Variants in PGCKA1 observed in about 807,000 individuals in gnomAD.
PGCKA1 encodes PDCD10 and GCKIII kinases-associated protein 1.
At chr4:37,520,832 T>G in the PGCKA1 span, among the ~76,000 whole-genome samples, 1 of 152,162 alleles carries the variant, frequency 6.6e-6, no homozygotes, top group Non-Finnish European at 1.5e-5. Context: ...TTAGCCAGGA[T>G]GGTCTCAATC....
At chr4:37,590,982 T>C in the PGCKA1 span, 2 of 1,611,884 alleles carry the variant, frequency 1.2e-6, no homozygotes, top group Non-Finnish European at 1.7e-6. Flanking sequence ...CAGGAGAAGA[T>C]TTGGATGAGA....
the PGCKA1 span, among the ~76,000 whole-genome samples, chr4:37,463,260 C>T: frequency 6.6e-6 from 1 of 152,086 alleles, no homozygotes. Context: ...CATTTTAAAG[C>T]CGCCATTACC....
the PGCKA1 span, among the ~76,000 whole-genome samples, chr4:37,559,501 A>G: frequency 6.6e-6 from 1 of 151,026 alleles, no homozygotes; most frequent in East Asian, 2.0e-4. Flanking sequence ...GCTAAATGAC[A>G]AGTTAATGGG....
the PGCKA1 span, among the ~76,000 whole-genome samples, chr4:37,527,186 GTT>G: frequency 6.6e-6 from 1 of 152,138 alleles, no homozygotes; most frequent in Non-Finnish European, 1.5e-5. Context: ...ATGTATTTGT[GTT>G]TTAAGCTAAG....
the PGCKA1 span, among the ~76,000 whole-genome samples, chr4:37,519,399 A>G: frequency 6.6e-6 from 1 of 152,108 alleles, no homozygotes; most frequent in African/African-American, 2.4e-5. Context: ...ATCCACAAAT[A>G]TGGAATATCT....
At chr4:37,473,677 T>C in the PGCKA1 span, among the ~76,000 whole-genome samples, 3 of 152,168 alleles carry the variant, frequency 2.0e-5, no homozygotes, top group East Asian at 5.8e-4. Flanking sequence ...CTCCTTGCTA[T>C]CTCCCATTCC....
chr4:37,461,247 C>T, the PGCKA1 span, among the ~76,000 whole-genome samples: 11 of 151,980 alleles, frequency 7.2e-5, no homozygotes, highest in African/African-American at 1.9e-4. Flanking sequence ...AGTCAGGTAG[C>T]GTGATGCCTC....
At chr4:37,503,510 CT>C in the PGCKA1 span, among the ~76,000 whole-genome samples, 1 of 152,174 alleles carries the variant, frequency 6.6e-6, no homozygotes, top group South Asian at 2.1e-4. Context: ...CACACACCAC[CT>C]ATTTTTAGTT....
chr4:37,526,994 A>G, the PGCKA1 span, among the ~76,000 whole-genome samples: 1 of 152,200 alleles, frequency 6.6e-6, no homozygotes, highest in Non-Finnish European at 1.5e-5. Context: ...CAATAGGACA[A>G]GATGTGGAGG....
At chr4:37,502,229 A>C in the PGCKA1 span, among the ~76,000 whole-genome samples, 2 of 152,184 alleles carry the variant, frequency 1.3e-5, no homozygotes, top group African/African-American at 4.8e-5. Flanking sequence ...CGGCAGTGCA[A>C]CGGGGTGCAT....
the PGCKA1 span, among the ~76,000 whole-genome samples, chr4:37,500,418 TTA>T: frequency 6.6e-6 from 1 of 152,356 alleles, no homozygotes; most frequent in African/African-American, 2.4e-5. Context: ...TTCCATGTAA[TTA>T]TATGATTTTG....
the PGCKA1 span, among the ~76,000 whole-genome samples, chr4:37,453,787 C>G: frequency 1.3e-5 from 2 of 152,092 alleles, no homozygotes; most frequent in African/African-American, 4.8e-5. Flanking sequence ...CATCGTACTC[C>G]AGGGTTTCGA....
the PGCKA1 span, chr4:37,590,352 C>G: frequency 1.5e-4 from 246 of 1,613,538 alleles, no homozygotes; most frequent in Non-Finnish European, 9.8e-5. Context: ...GCGGTGTCAA[C>G]GGCATCGGCC....
the PGCKA1 span, among the ~76,000 whole-genome samples, chr4:37,469,279 T>A: frequency 6.6e-6 from 1 of 152,218 alleles, no homozygotes; most frequent in Non-Finnish European, 1.5e-5. Context: ...AATGACTAAA[T>A]GATATAGGGA....
At chr4:37,563,487 C>G in the PGCKA1 span, among the ~76,000 whole-genome samples, 1 of 152,084 alleles carries the variant, frequency 6.6e-6, no homozygotes, top group Non-Finnish European at 1.5e-5. Context: ...TTAAGGCCAC[C>G]AATCCTCTTA....
At chr4:37,540,369 C>T in the PGCKA1 span, among the ~76,000 whole-genome samples, 1 of 152,162 alleles carries the variant, frequency 6.6e-6, no homozygotes, top group Admixed American at 6.5e-5. Flanking sequence ...TTAAAAACTA[C>T]TTAGAATTTG....
the PGCKA1 span, among the ~76,000 whole-genome samples, chr4:37,489,578 A>C: frequency 2.0e-5 from 3 of 152,204 alleles, no homozygotes; most frequent in Admixed American, 2.0e-4. Flanking sequence ...TAGAAAAATA[A>C]GGTTACATTT....
chr4:37,586,251 A>G, the PGCKA1 span, among the ~76,000 whole-genome samples: 1 of 152,166 alleles, frequency 6.6e-6, no homozygotes, highest in African/African-American at 2.4e-5. Flanking sequence ...CACCTGGGCG[A>G]CACGGCTGGC....
the PGCKA1 span, among the ~76,000 whole-genome samples, chr4:37,564,907 C>T: frequency 1.3e-5 from 2 of 152,108 alleles, no homozygotes; most frequent in South Asian, 4.1e-4. Flanking sequence ...GTGGATTCCT[C>T]ATGACCCAGT....
Sources: allele counts gnomAD v4.1 joint callset (sites outside exome capture counted in the v4.1 genomes callset), GRCh38; gene constraint gnomAD v4.1.1; transcripts MANE v1.5; gene names NCBI Gene and HGNC (gene_info 2026-07-23, HGNC 2026-07-21).